Variants in FHIT observed in about 807,000 individuals in gnomAD.
The protein encoded by FHIT is fragile histidine triad diadenosine triphosphatase.
FHIT carries 19 observed loss-of-function variants against 17.9 expected under a neutral mutation model. The observed-to-expected ratio is 1.06, with a 90% confidence interval of 0.74 to 1.56. The LOEUF (loss-of-function observed/expected upper bound fraction) is 1.56, where lower values mean the gene tolerates loss of function less well. Among genes scored for constraint, FHIT ranks in the 40% most tolerant of loss-of-function variants. The probability of loss-of-function intolerance (pLI) is 0.00; values close to 1 mark genes in which losing one functional copy is unlikely to be tolerated. For missense variants in FHIT, 248 were observed against 189.2 expected (o/e 1.31, Z -1.82); for synonymous variants, 81 against 69.7 (o/e 1.16, Z -0.81).
chr3:60,036,389 C>A (rs1701218852), intron 5 of FHIT, among the ~76,000 whole-genome samples: 1 of 152,160 alleles, frequency 6.6e-6, no homozygotes, highest in African/African-American at 2.4e-5. Flanking sequence ...AGAACCGTGT[C>A]TCTATTGGAA....
chr3:61,162,297 CCA>C (rs2037720186), intron 2 of FHIT, among the ~76,000 whole-genome samples: 1 of 152,136 alleles, frequency 6.6e-6, no homozygotes, highest in Non-Finnish European at 1.5e-5. Context: ...TGAATGAAAG[CCA>C]AGTTCTAGTC....
chr3:59,925,902 A>G (rs1434469216), intron 7 of FHIT, among the ~76,000 whole-genome samples: 1 of 152,256 alleles, frequency 6.6e-6, no homozygotes, highest in East Asian at 1.9e-4. Flanking sequence ...TAATAGAATG[A>G]CATTCTGATA....
At chr3:60,112,196 A>G (rs1704704195) in intron 5 of FHIT, among the ~76,000 whole-genome samples, 1 of 152,178 alleles carries the variant, frequency 6.6e-6, no homozygotes. Flanking sequence ...TGCTGGAGAA[A>G]TAACTTGGAG....
intron 4 of FHIT, among the ~76,000 whole-genome samples, chr3:60,560,256 T>A (rs945016253): frequency 1.3e-5 from 2 of 152,124 alleles, no homozygotes; most frequent in Non-Finnish European, 2.9e-5. Flanking sequence ...TTGTATTATT[T>A]ACAGTGCCTG....
chr3:60,456,082 G>T (rs2032073112), intron 5 of FHIT, among the ~76,000 whole-genome samples: 1 of 152,058 alleles, frequency 6.6e-6, no homozygotes, highest in Admixed American at 6.6e-5. Flanking sequence ...TGAAAGAGTT[G>T]GCATAAAAAG....
At chr3:60,870,794 G>A (rs17064094) in intron 3 of FHIT, among the ~76,000 whole-genome samples, 5,925 of 152,116 alleles carry the variant, frequency 0.039, 368 homozygotes, top group African/African-American at 0.13. Flanking sequence ...AGGTTACCGC[G>A]TCTCACAAAC....
intron 2 of FHIT, among the ~76,000 whole-genome samples, chr3:61,110,539 T>A (rs1345273690): frequency 1.3e-5 from 2 of 152,188 alleles, no homozygotes; most frequent in African/African-American, 4.8e-5. Context: ...CCATTCCTTT[T>A]TTCCTTCTTT....
At chr3:61,241,699 G>C (rs1487203798) in intron 1 of FHIT, among the ~76,000 whole-genome samples, 1 of 152,110 alleles carries the variant, frequency 6.6e-6, no homozygotes, top group Non-Finnish European at 1.5e-5. Flanking sequence ...AAGAAAAAGA[G>C]GTAAATCCAT....
intron 4 of FHIT, among the ~76,000 whole-genome samples, chr3:60,575,459 A>G (rs542631574): frequency 1.1e-3 from 164 of 152,304 alleles, no homozygotes; most frequent in African/African-American, 3.8e-3. Flanking sequence ...ACTGTAGTGG[A>G]CTGGAACTCA....
intron 2 of FHIT, among the ~76,000 whole-genome samples, chr3:61,070,530 T>C (rs2034768996): frequency 6.6e-6 from 1 of 152,204 alleles, no homozygotes. Context: ...AATTCATTTG[T>C]CTTTCTAACC....
At chr3:60,943,978 G>A (rs13100357) in intron 3 of FHIT, among the ~76,000 whole-genome samples, 37,362 of 151,718 alleles carry the variant, frequency 0.25, 5,359 homozygotes, top group Middle Eastern at 0.36. Flanking sequence ...AATTTCTATC[G>A]GGAACAGCTC....
At chr3:60,537,849 T>C (rs566061734) in intron 4 of FHIT, among the ~76,000 whole-genome samples, 2 of 152,188 alleles carry the variant, frequency 1.3e-5, no homozygotes, top group Non-Finnish European at 2.9e-5. Context: ...AGAAAACTAC[T>C]TCATTTTTCT....
chr3:61,066,802 G>A (rs1468339059), intron 2 of FHIT, among the ~76,000 whole-genome samples: 1 of 152,130 alleles, frequency 6.6e-6, no homozygotes, highest in East Asian at 1.9e-4. Context: ...TAGATTATTT[G>A]GATGGTGATC....
intron 8 of FHIT, among the ~76,000 whole-genome samples, chr3:59,880,544 T>A (rs1703365165): frequency 6.6e-6 from 1 of 152,210 alleles, no homozygotes; most frequent in Non-Finnish European, 1.5e-5. Flanking sequence ...TTGAATCTAG[T>A]GCCACAACTA....
At chr3:60,890,150 C>T (rs567870890) in intron 3 of FHIT, among the ~76,000 whole-genome samples, 1 of 147,574 alleles carries the variant, frequency 6.8e-6, no homozygotes, top group East Asian at 2.0e-4. Flanking sequence ...CAGTGTTCTA[C>T]TTCCAGGTAG....
At chr3:59,836,345 G>T (rs183667883) in intron 8 of FHIT, among the ~76,000 whole-genome samples, 2 of 152,136 alleles carry the variant, frequency 1.3e-5, no homozygotes, top group Admixed American at 6.6e-5. Context: ...CCCTTCAAAC[G>T]CTGAGAGCTG....
intron 5 of FHIT, among the ~76,000 whole-genome samples, chr3:60,075,564 T>C (rs2107003901): frequency 6.6e-6 from 1 of 152,244 alleles, no homozygotes; most frequent in Middle Eastern, 3.4e-3. Context: ...TAAAGAAGGT[T>C]AAGCAGGTTT....
chr3:60,029,228 C>T (rs967486507), intron 5 of FHIT, among the ~76,000 whole-genome samples: 6 of 152,094 alleles, frequency 3.9e-5, no homozygotes, highest in Admixed American at 1.3e-4. Flanking sequence ...AACAGTCATA[C>T]GTTTTCCCAT....
chr3:60,329,291 A>G (rs939728672), intron 5 of FHIT, among the ~76,000 whole-genome samples: 2 of 152,122 alleles, frequency 1.3e-5, no homozygotes, highest in African/African-American at 4.8e-5. Flanking sequence ...TGTTCTAGCC[A>G]TTAGCCATTA....
Sources: allele counts gnomAD v4.1 joint callset (sites outside exome capture counted in the v4.1 genomes callset), GRCh38; gene constraint gnomAD v4.1.1; transcripts MANE v1.5; gene names NCBI Gene and HGNC (gene_info 2026-07-23, HGNC 2026-07-21).